The following GNA14 variants were observed in gnomAD, a reference collection of about 807,000 sequenced individuals.
The protein encoded by GNA14 is guanine nucleotide-binding protein subunit alpha-14.
GNA14 carries 50 observed loss-of-function variants against 42.0 expected under a neutral mutation model. That is an observed-to-expected ratio of 1.19 (90% CI 0.95 to 1.51). The LOEUF (loss-of-function observed/expected upper bound fraction) is 1.51, where lower values mean the gene tolerates loss of function less well. Ranked by LOEUF, GNA14 falls within the 40% of genes most tolerant of loss-of-function variation. The pLI, the probability that GNA14 is intolerant of heterozygous loss-of-function variation, is 0.00. For synonymous variants in GNA14, 173 were observed against 163.1 expected, an observed-to-expected ratio of 1.06 and a Z score of -0.46; for missense variants, 473 against 446.2, an observed-to-expected ratio of 1.06 and a Z score of -0.54.
chr9:77,424,825 C>T (rs1437229532), intron 6 of GNA14, among the ~76,000 whole-genome samples: 1 of 152,110 alleles, frequency 6.6e-6, no homozygotes, highest in African/African-American at 2.4e-5. Flanking sequence ...TGGGAACTAA[C>T]ATCAGGCTGA....
At chr9:77,445,791 T>C (rs748036138) in intron 2 of GNA14, among the ~76,000 whole-genome samples, 5 of 152,082 alleles carry the variant, frequency 3.3e-5, no homozygotes, top group Non-Finnish European at 4.4e-5. Flanking sequence ...CCAGGGGCCA[T>C]TAAACGTGGT....
intron 2 of GNA14, among the ~76,000 whole-genome samples, chr9:77,461,972 G>T (rs1334759261): frequency 1.3e-5 from 2 of 151,880 alleles, no homozygotes; most frequent in African/African-American, 4.8e-5. Flanking sequence ...TTTTGTTGTT[G>T]TTGAGAAACC....
At chr9:77,506,312 C>T (rs115105711) in intron 2 of GNA14, among the ~76,000 whole-genome samples, 3,780 of 148,570 alleles carry the variant, frequency 0.025, 156 homozygotes, top group African/African-American at 0.087. Flanking sequence ...AAATGAGAAA[C>T]TAATTTTAAT....
chr9:77,595,059 C>G (rs1195746060), intron 1 of GNA14, among the ~76,000 whole-genome samples: 8 of 152,184 alleles, frequency 5.3e-5, no homozygotes, highest in Admixed American at 2.0e-4. Context: ...GTCGCACTTT[C>G]CACCCCTTGC....
At chr9:77,562,108 A>T (rs2131789228) in intron 1 of GNA14, among the ~76,000 whole-genome samples, 1 of 152,332 alleles carries the variant, frequency 6.6e-6, no homozygotes, top group East Asian at 1.9e-4. Context: ...GGATACTCAG[A>T]TGGGTAGCAT....
chr9:77,625,711 G>A (rs1338783545), intron 1 of GNA14, among the ~76,000 whole-genome samples: 1 of 152,172 alleles, frequency 6.6e-6, no homozygotes. Flanking sequence ...CACCAGGCCT[G>A]CCTTAGAAGA....
At chr9:77,544,626 C>T (rs1837697565) in intron 1 of GNA14, among the ~76,000 whole-genome samples, 1 of 146,012 alleles carries the variant, frequency 6.8e-6, no homozygotes, top group Admixed American at 7.0e-5. Context: ...TCACTTGAAC[C>T]TGGAGGCAGA....
In GNA14 at chr9:77,558,804, A is replaced by T. The variant is rs142689846; in HGVS notation, c.125-29551T>A. On this transcript the variant is annotated intron_variant, in intron 1 of 6. Coordinates refer to ENST00000341700, the MANE Select transcript of GNA14 (RefSeq NM_004297.4). ...TATGACAGATAATAATGATTTTCCA[A>T]GAAAGACTGCTACTGCCTTTGTTTA... 6.2e-3 allele frequency among the ~76,000 whole-genome samples: 944 copies of T among 152,296 alleles called. 9 individuals carry two copies. Among genetic ancestry groups the T allele is most frequent in the African/African-American group, 0.021 (884 of 41,562 alleles).
Position 77,606,325 on chromosome 9 carries a change from G to GT in GNA14, c.124+41344dup, listed in dbSNP as rs112977500. 2.1e-3 allele frequency among the ~76,000 whole-genome samples: 321 copies of GT among 152,248 alleles called. 2 individuals carry two copies. Among genetic ancestry groups the GT allele is most frequent in the African/African-American group, 6.5e-3 (272 of 41,554 alleles). ...ACTCCTTCTTTCTCATCTTTTAAGT[G>GT]TAAGTATTTCCAAATCTCCTTAAAG... On this transcript the variant is annotated intron_variant, in intron 1 of 6. Coordinates refer to ENST00000341700, the MANE Select transcript of GNA14 (RefSeq NM_004297.4).
intron 1 of GNA14, among the ~76,000 whole-genome samples, chr9:77,643,684 T>C (rs1564074228): frequency 6.6e-6 from 1 of 152,200 alleles, no homozygotes; most frequent in Non-Finnish European, 1.5e-5. Flanking sequence ...GATTTTCAAC[T>C]TTTTGGTGTA....
intron 1 of GNA14, among the ~76,000 whole-genome samples, chr9:77,594,775 C>T (rs908724314): frequency 7.9e-5 from 12 of 152,170 alleles, no homozygotes; most frequent in Non-Finnish European, 1.5e-5. Flanking sequence ...GGCCTTGGCC[C>T]TACCAGATTT....
intron 2 of GNA14, among the ~76,000 whole-genome samples, chr9:77,525,284 C>T (rs1383359899): frequency 6.6e-6 from 1 of 152,156 alleles, no homozygotes; most frequent in African/African-American, 2.4e-5. Context: ...CAGCCCTAGA[C>T]CCACAGTAGA....
chr9:77,460,820 G>A (rs79312947), intron 2 of GNA14, among the ~76,000 whole-genome samples: 2,561 of 152,282 alleles, frequency 0.017, 71 homozygotes, highest in African/African-American at 0.059. Context: ...GCTGTGGGGC[G>A]TGGATGGAAG....
chr9:77,626,651 T>C (rs1268791902), intron 1 of GNA14, among the ~76,000 whole-genome samples: 2 of 152,036 alleles, frequency 1.3e-5, no homozygotes, highest in African/African-American at 2.4e-5. Context: ...AGGTAAATAA[T>C]GAAATTAAAG....
intron 1 of GNA14, among the ~76,000 whole-genome samples, chr9:77,531,192 G>A (rs1837524022): frequency 6.6e-6 from 1 of 152,182 alleles, no homozygotes; most frequent in African/African-American, 2.4e-5. Flanking sequence ...CAATGTGCCT[G>A]CTTTATAGAA....
intron 1 of GNA14, among the ~76,000 whole-genome samples, chr9:77,593,354 G>A (rs1823417733): frequency 7.8e-6 from 1 of 129,032 alleles, no homozygotes; most frequent in Non-Finnish European, 1.5e-5. Context: ...TTGAAACGGA[G>A]TCTCACTCTA....
chr9:77,636,254 T>C (rs1294871378), intron 1 of GNA14, among the ~76,000 whole-genome samples: 1 of 152,220 alleles, frequency 6.6e-6, no homozygotes, highest in East Asian at 1.9e-4. Flanking sequence ...AGAAATGGCA[T>C]GGATAATCCA....
intron 1 of GNA14, among the ~76,000 whole-genome samples, chr9:77,579,523 T>G (rs188594701): frequency 1.3e-5 from 2 of 152,324 alleles, no homozygotes; most frequent in East Asian, 3.9e-4. Context: ...TATAAAGTGA[T>G]GTTAACTTTG....
intron 2 of GNA14, among the ~76,000 whole-genome samples, chr9:77,507,640 A>G (rs1837093072): frequency 6.6e-6 from 1 of 152,208 alleles, no homozygotes; most frequent in Non-Finnish European, 1.5e-5. Flanking sequence ...TTACTCCAAT[A>G]ATCAGAAAAA....
Sources: gnomAD v4.1 joint callset for allele counts (sites outside exome capture counted in the v4.1 genomes callset) on GRCh38, gnomAD v4.1.1 for gene constraint, MANE v1.5 for transcripts, NCBI Gene and HGNC (gene_info 2026-07-23, HGNC 2026-07-21) for gene names.